Variants in EPB41L3 observed in about 807,000 individuals in gnomAD.
EPB41L3 encodes band 4.1-like protein 3.
Under a neutral mutation model 127.1 loss-of-function variants are expected in EPB41L3, and 57 were observed. The ratio of observed to expected loss-of-function variants is 0.45; its 90% CI spans 0.36 to 0.56. EPB41L3 has a LOEUF of 0.56. Among genes scored for constraint, EPB41L3 ranks in the 20% least tolerant of loss-of-function variants. The probability of loss-of-function intolerance (pLI) is 0.00; values close to 1 mark genes in which losing one functional copy is unlikely to be tolerated. For synonymous variants in EPB41L3, 572 were observed against 549.5 expected (o/e 1.04, Z -0.57); for missense variants, 1,273 against 1,372.2 (o/e 0.93, Z 1.14).
upstream of EPB41L3, among the ~76,000 whole-genome samples, chr18:5,544,752 T>C (rs1243436757): frequency 6.6e-6 from 1 of 152,176 alleles, no homozygotes; most frequent in Non-Finnish European, 1.5e-5. Context: ...ACAGGGTGAC[T>C]ATAGTCAAAA....
At chr18:5,433,802 C>G in intron 7 of EPB41L3, 101 bp downstream of exon 7, 1 of 1,313,492 alleles carries the variant, frequency 7.6e-7, no homozygotes, top group Non-Finnish European at 1.1e-6. Context: ...GCTCACGTCT[C>G]GCCGTTAATG....
chr18:5,604,944 C>A (rs1218346475), intron 3 of EPB41L3, among the ~76,000 whole-genome samples: 1 of 152,170 alleles, frequency 6.6e-6, no homozygotes, highest in African/African-American at 2.4e-5. Context: ...GATTTATAAT[C>A]CTCTAGCTGC....
At chr18:5,519,093 G>C (rs2092878009) in intron 1 of EPB41L3, among the ~76,000 whole-genome samples, 1 of 152,078 alleles carries the variant, frequency 6.6e-6, no homozygotes, top group African/African-American at 2.4e-5. Flanking sequence ...AAAACTGCAG[G>C]GAAAATGACT....
intron 3 of EPB41L3, among the ~76,000 whole-genome samples, chr18:5,568,807 T>C (rs2094241733): frequency 6.6e-6 from 1 of 152,224 alleles, no homozygotes; most frequent in Non-Finnish European, 1.5e-5. Flanking sequence ...TGTTTTGTTG[T>C]GTGCTAATCA....
chr18:5,403,194 C>T (rs752163067), intron 16 of EPB41L3, among the ~76,000 whole-genome samples: 37 of 152,006 alleles, frequency 2.4e-4, no homozygotes, highest in Admixed American at 1.3e-3. Flanking sequence ...ACATGTCTAC[C>T]CTTCCTATGT....
At chr18:5,527,377 C>T (rs1475952750) in intron 1 of EPB41L3, among the ~76,000 whole-genome samples, 1 of 152,134 alleles carries the variant, frequency 6.6e-6, no homozygotes, top group Non-Finnish European at 1.5e-5. Context: ...CTTAATAAAA[C>T]CATACCTGCT....
intron 3 of EPB41L3, among the ~76,000 whole-genome samples, chr18:5,462,894 A>G (rs573703097): frequency 6.6e-6 from 1 of 152,264 alleles, no homozygotes; most frequent in African/African-American, 2.4e-5. Context: ...TTTAAATTCA[A>G]CGCATCTAAG....
intron 5 of EPB41L3, among the ~76,000 whole-genome samples, chr18:5,442,692 T>C (rs763693754): frequency 5.3e-5 from 8 of 152,200 alleles, no homozygotes; most frequent in Non-Finnish European, 1.2e-4. Flanking sequence ...ATTTAGACTT[T>C]ACTGACAAAA....
chr18:5,517,828 G>T (rs1488561813), intron 1 of EPB41L3, among the ~76,000 whole-genome samples: 1 of 151,924 alleles, frequency 6.6e-6, no homozygotes, highest in Non-Finnish European at 1.5e-5. Flanking sequence ...ACCACCAGAC[G>T]CTTTTCTCCC....
chr18:5,402,417 T>C (rs1239072924), intron 16 of EPB41L3, among the ~76,000 whole-genome samples: 1 of 152,030 alleles, frequency 6.6e-6, no homozygotes, highest in Non-Finnish European at 1.5e-5. Flanking sequence ...CTAAATATTA[T>C]TCCTAAGATA....
chr18:5,416,426 C>G (rs2076837794), intron 12 of EPB41L3, 48 bp from the exon 13 acceptor site: 1 of 1,519,036 alleles, frequency 6.6e-7, no homozygotes, highest in African/African-American at 1.4e-5. Context: ...AACAGAGGTG[C>G]AAAAGGACAA....
intron 5 of EPB41L3, among the ~76,000 whole-genome samples, chr18:5,442,349 A>G (rs543335926): frequency 1.3e-5 from 2 of 152,214 alleles, no homozygotes; most frequent in Non-Finnish European, 2.9e-5. Context: ...GGTAGTGGAT[A>G]CATCAAATTT....
intron 10 of EPB41L3, 107 bp from the exon 11 acceptor site, chr18:5,423,660 T>A (rs2145246663): frequency 1.0e-6 from 1 of 990,160 alleles, no homozygotes; most frequent in Non-Finnish European, 1.5e-6. Context: ...GCTAAACATT[T>A]AACGCACAAC....
chr18:5,401,811 T>G (rs2074540438), intron 16 of EPB41L3, among the ~76,000 whole-genome samples: 1 of 152,104 alleles, frequency 6.6e-6, no homozygotes, highest in African/African-American at 2.4e-5. Context: ...TAGGCACAAT[T>G]CAGGTGGCAA....
rs117769628 is a variant in EPB41L3, at chr18:5,485,867, G to A, written c.183+3134C>T. Among the ~76,000 whole-genome samples, 619 of 152,226 alleles carry A rather than the reference G, an allele frequency of 4.1e-3. 34 individuals are homozygous for A. In the East Asian group the frequency reaches 0.11, roughly 26 times the overall value. On this transcript the variant is annotated intron_variant, in intron 2 of 22. Transcript: ENST00000341928. ...TGCAAAAAATGGAAAGATATTCCAT[G>A]CTCATGGATTAGAAGACTTAATACT...
chr18:5,561,045 G>T (rs1785395), intron 3 of EPB41L3, among the ~76,000 whole-genome samples: 109,481 of 139,084 alleles, frequency 0.79, 44,615 homozygotes, highest in Non-Finnish European at 0.87. Context: ...TGGCGCGATC[G>T]CGGCTCACTG....
In EPB41L3 at chr18:5,423,387, A is replaced by G. The variant is rs764203358; in HGVS notation, c.1330T>C (p.Leu444=). Reference sequence around the variant, plus strand: ...AGTAAGCGATGCCTACCTCCATCCAAGCTGCGAGACATGGTATAACGTTTG... The same window carrying G: ...AGTAAGCGATGCCTACCTCCATCCAGGCTGCGAGACATGGTATAACGTTTG... ...SSKRYTMSRS[L]DGEVGTGQYA... Residue 444 remains leucine (L), a synonymous_variant, in exon 11 of 23, where the codon TTG becomes CTG. Transcript: ENST00000341928. 1 of 1,603,158 alleles carries G rather than the reference A, an allele frequency of 6.2e-7. No individual in the cohort carries two copies. Among genetic ancestry groups the G allele is most frequent in the Non-Finnish European group, 8.5e-7 (1 of 1,171,994 alleles).
At chr18:5,540,039 TAA>T (rs1218998879) in intron 1 of EPB41L3, among the ~76,000 whole-genome samples, 3 of 152,192 alleles carry the variant, frequency 2.0e-5, no homozygotes, top group African/African-American at 7.2e-5. Context: ...ATACTTTTTT[TAA>T]AAGACATTAC....
At chr18:5,560,216 C>T (rs2094104552) in intron 3 of EPB41L3, among the ~76,000 whole-genome samples, 5 of 152,136 alleles carry the variant, frequency 3.3e-5, no homozygotes, top group Non-Finnish European at 7.4e-5. Flanking sequence ...ATGGAAATAG[C>T]ACAAGAGCTG....
Sources: allele counts gnomAD v4.1 joint callset (sites outside exome capture counted in the v4.1 genomes callset), GRCh38; gene constraint gnomAD v4.1.1; transcripts MANE v1.5; gene names NCBI Gene and HGNC (gene_info 2026-07-23, HGNC 2026-07-21).